Variants in KNL1 observed in about 807,000 individuals in gnomAD.
KNL1 encodes the protein kinetochore scaffold 1.
A neutral mutation model predicts 201.3 loss-of-function variants in KNL1; 66 were observed. The ratio of observed to expected loss-of-function variants is 0.33; its 90% CI spans 0.27 to 0.40. KNL1 has a LOEUF of 0.40. KNL1 is among the 10% of genes least tolerant of loss of function. KNL1 has a pLI of 1.00. For missense variants in KNL1, 2,815 were observed against 2,690.5 expected, an observed-to-expected ratio of 1.05 and a Z score of -1.02; for synonymous variants, 895 against 899.2, an observed-to-expected ratio of 1.00 and a Z score of 0.08.
chr15:40,650,920 G>A (rs750770631), intron 19 of KNL1, among the ~76,000 whole-genome samples: 3 of 152,048 alleles, frequency 2.0e-5, no homozygotes, highest in African/African-American at 4.8e-5. Context: ...GTAAAAGAAA[G>A]TAAATAGAAA....
intron 1 of KNL1, among the ~76,000 whole-genome samples, chr15:40,600,962 T>A (rs1176148969): frequency 6.6e-6 from 1 of 152,242 alleles, no homozygotes; most frequent in Non-Finnish European, 1.5e-5. Flanking sequence ...TGCTGAGTAC[T>A]TATCGTTGAC....
chr15:40,646,439 A>G (rs536742650), intron 16 of KNL1, among the ~76,000 whole-genome samples: 1 of 151,880 alleles, frequency 6.6e-6, no homozygotes, highest in East Asian at 1.9e-4. Flanking sequence ...TTAATAAAAT[A>G]TTTTATTAAA....
intron 16 of KNL1, chr15:40,646,591 C>G (rs994209626): frequency 6.6e-6 from 1 of 152,642 alleles, no homozygotes; most frequent in African/African-American, 2.4e-5. Context: ...GGTGCGGTGG[C>G]TCACGCCTGT....
chr15:40,646,781 C>CT lies in KNL1; in HGVS notation c.6007-206_6007-205insT, dbSNP rs199549891. The CT allele has an allele frequency of 6.6e-3, 2,081 of 313,044 alleles. 45 individuals carry two copies. Among genetic ancestry groups the CT allele is most frequent in the African/African-American group, 0.045 (1,920 of 43,036 alleles). The allele number at this position is 313,044 out of a possible 1,614,324, so 19.4% of individuals were successfully genotyped here. On this transcript the variant is annotated intron_variant, in intron 16 of 25. Transcript: ENST00000399668. ...CTGAGGCAGGAGAATGGCATGAACC[C>CT]GGGAGGCGGAGCTTGCAATGAGCCC... is the stretch of plus-strand genomic sequence containing the variant.
chr15:40,624,922 G>T lies in KNL1; in HGVS notation c.4658G>T (p.Cys1553Phe). 6.2e-7 allele frequency: 1 copy of T among 1,613,348 alleles called. No individual in the cohort carries two copies. Among genetic ancestry groups the T allele is most frequent in the Non-Finnish European group, 8.5e-7 (1 of 1,179,882 alleles). ...CCTGTAATTACATCTAATGTTCCATGTTTTCATAGTATCAAACCAAATCTG... is the reference window on the plus strand; with the variant it reads ...CCTGTAATTACATCTAATGTTCCATTTTTTCATAGTATCAAACCAAATCTG... Reference protein sequence around the residue: ...PDPVITSNVPCFHSIKPNLNN... With the variant: ...PDPVITSNVPFFHSIKPNLNN... The change falls in exon 10 of 26, where the codon TGT (cysteine) becomes TTT (phenylalanine). Residue 1553 changes from cysteine (C) to phenylalanine (F), a missense_variant. Cys to Phe is a radical substitution (Grantham distance 205, BLOSUM62 -2). This residue lies in a region of KNL1 where 2,464 missense variants were observed against 2,291.7 expected (regional missense o/e 1.08). Transcript: ENST00000399668.
intron 13 of KNL1, among the ~76,000 whole-genome samples, chr15:40,640,245 C>T (rs544145504): frequency 1.3e-3 from 195 of 151,532 alleles, no homozygotes; most frequent in African/African-American, 4.6e-3. Context: ...TACAGGTGTG[C>T]GCCACCATGC....
rs1314890959 is a variant in KNL1 at position 40,623,179 on chromosome 15, G to A, written c.2915G>A (p.Arg972Lys). Residue 972 changes from arginine to lysine, a missense_variant, in exon 10 of 26, where the codon AGA becomes AAA. Physicochemically the swap from Arg to Lys is conservative, Grantham distance 26. Around this residue, in one of 3 missense-constraint regions of KNL1, gnomAD observed 2,464 missense variants for 2,291.7 expected, o/e 1.08. Coordinates refer to ENST00000399668, the MANE Select transcript of KNL1 (RefSeq NM_144508.5). ...IDYQEKERTD[R>K]PNFELSQRKS... Reference sequence around the variant, plus strand: ...TACCAAGAAAAGGAAAGAACAGACAGACCTAACTTTGAACTATCCCAAAGG... The same window carrying A: ...TACCAAGAAAAGGAAAGAACAGACAAACCTAACTTTGAACTATCCCAAAGG... 4 of 1,613,832 alleles carry A rather than the reference G, an allele frequency of 2.5e-6. No individual in the cohort carries two copies. The highest frequency in any genetic ancestry group is 3.3e-4 in the Middle Eastern group (2 of 6,082).
chr15:40,652,104 T>C lies in KNL1; in HGVS notation c.6414T>C (p.Val2138=), dbSNP rs868711687. The change falls in exon 21 of 26, where the codon GTT becomes GTC. Residue 2138 remains valine, a splice_region_variant and synonymous_variant. Coordinates refer to ENST00000399668, the MANE Select transcript of KNL1 (RefSeq NM_144508.5). ...IQLTITFEES[V]VGFPFLDKRY... ...TCACCATCACCTTTGAAGAGTCAGT[T>C]GGTAAGGAGCCAAAGTGAGATAATT... 8 of 1,603,186 alleles carry C rather than the reference T, an allele frequency of 5.0e-6. No individual in the cohort carries two copies. In the African/African-American group the frequency reaches 6.7e-5, roughly 13 times the overall value.
intron 1 of KNL1, among the ~76,000 whole-genome samples, chr15:40,595,704 C>T (rs886607658): frequency 1.3e-5 from 2 of 152,172 alleles, no homozygotes; most frequent in East Asian, 1.9e-4. Flanking sequence ...CAACATACTA[C>T]CCATTAGCGA....
intron 13 of KNL1, among the ~76,000 whole-genome samples, chr15:40,633,367 C>G (rs189393744): frequency 1.3e-5 from 2 of 150,184 alleles, no homozygotes; most frequent in African/African-American, 4.9e-5. Context: ...TGCCTAGTGA[C>G]ATTGTAATGT....
Position 40,662,974 on chromosome 15 carries a change from A to G in KNL1, c.*786A>G, listed in dbSNP as rs1205783098. On this transcript the variant is annotated 3_prime_UTR_variant, in exon 26 of 26. Transcript: ENST00000399668. ...GACCCTGTCTCAAAAAAACAAAAAGAGAGAAAGCAATAGCACTCAGCTATT... is the reference window on the plus strand; with the variant it reads ...GACCCTGTCTCAAAAAAACAAAAAGGGAGAAAGCAATAGCACTCAGCTATT... 1.1e-5 allele frequency: 2 copies of G among 183,538 alleles called. No individual in the cohort carries two copies. Among genetic ancestry groups the G allele is most frequent in the African/African-American group, 4.7e-5 (2 of 42,502 alleles). 11.4% of individuals were successfully genotyped at this position (183,538 alleles called of 1,614,324 possible). A position where few individuals can be genotyped will look rare whatever the true frequency, so the allele number is the denominator to read the frequency against.
intron 4 of KNL1, among the ~76,000 whole-genome samples, chr15:40,608,059 A>G (rs1233543340): frequency 6.6e-6 from 1 of 152,202 alleles, no homozygotes; most frequent in Non-Finnish European, 1.5e-5. Flanking sequence ...GTGTCCATTG[A>G]TGGATGAATG....
intron 6 of KNL1, among the ~76,000 whole-genome samples, chr15:40,610,594 G>A (rs1320673111): frequency 6.6e-6 from 1 of 152,124 alleles, no homozygotes; most frequent in African/African-American, 2.4e-5. Flanking sequence ...CTACTCAGGA[G>A]GCTGAGGTGA....
rs1157127391 is a variant in KNL1 at position 40,664,324 on chromosome 15, A to G, written c.*2136A>G. 1.7e-5 allele frequency: 3 copies of G among 171,440 alleles called. No individual in the cohort carries two copies. The highest frequency in any genetic ancestry group is 7.1e-5 in the African/African-American group (3 of 42,214). 10.6% of individuals were successfully genotyped at this position (171,440 alleles called of 1,614,324 possible). On this transcript the variant is annotated 3_prime_UTR_variant, in exon 26 of 26. Transcript: ENST00000399668. ...GCAGATTACATTTTGCACTATTAAA[A>G]TAAGTTTATTACTTTAAATCTTTTG...
chr15:40,621,755 A>T lies in KNL1; in HGVS notation c.1491A>T (p.Gln497His). ...TKSHTVAIDN[Q>H]IFKQDQSNVQ... Reference sequence around the variant, plus strand: ...GTCATACAGTTGCAATAGATAATCAAATTTTTAAACAAGATCAATCAAATG... The same window carrying T: ...GTCATACAGTTGCAATAGATAATCATATTTTTAAACAAGATCAATCAAATG... Residue 497 changes from glutamine to histidine, a missense_variant, in exon 10 of 26, where the codon CAA becomes CAT. By Grantham distance (24) the Gln-to-His change is conservative. Around this residue, in one of 3 missense-constraint regions of KNL1, gnomAD observed 2,464 missense variants for 2,291.7 expected, o/e 1.08. Coordinates refer to ENST00000399668, the MANE Select transcript of KNL1 (RefSeq NM_144508.5). The T allele has an allele frequency of 6.2e-7, 1 of 1,613,912 alleles. No individual in the cohort carries two copies. Among genetic ancestry groups the T allele is most frequent in the Non-Finnish European group, 8.5e-7 (1 of 1,179,852 alleles).
At chr15:40,596,269 T>G (rs1891616145) in intron 1 of KNL1, among the ~76,000 whole-genome samples, 1 of 152,074 alleles carries the variant, frequency 6.6e-6, no homozygotes, top group African/African-American at 2.4e-5. Context: ...ATTTTAAATT[T>G]TATTTATTTA....
chr15:40,656,375 G>A (rs1595949692), intron 22 of KNL1, among the ~76,000 whole-genome samples: 2 of 152,076 alleles, frequency 1.3e-5, no homozygotes, highest in Admixed American at 6.6e-5. Flanking sequence ...GGAGGTTGCA[G>A]TGAGCTGAGA....
Position 40,624,632 on chromosome 15 carries a change from A to T in KNL1, c.4368A>T (p.Gly1456=), listed in dbSNP as rs1892675988. The T allele has an allele frequency of 1.2e-6, 2 of 1,613,856 alleles. No individual in the cohort carries two copies. The highest frequency in any genetic ancestry group is 2.7e-5 in the African/African-American group (2 of 74,928). The change falls in exon 10 of 26, where the codon GGA becomes GGT. Residue 1456 remains glycine (G), a synonymous_variant. Coordinates refer to ENST00000399668, the MANE Select transcript of KNL1 (RefSeq NM_144508.5). The stretch of plus-strand genomic sequence containing the variant: ...ACCAACCTCCATTACCTAAAAAAGG[A>T]CAGAGTAGTATCAATAAAGAAGAAG... ...STDQPPLPKK[G]QSSINKEEVI...
At position 40,608,303 on chromosome 15, in the gene KNL1, A is replaced by G. The variant is rs189262263; in HGVS notation, c.136-544A>G. ...AGCCTAGTCAACATGGTGAAACCCC[A>G]TCTCTACTAAAAATACAAAAAATTA... On this transcript the variant is annotated intron_variant, in intron 4 of 25. Coordinates refer to ENST00000399668, the MANE Select transcript of KNL1 (RefSeq NM_144508.5). Among the ~76,000 whole-genome samples, 6 of 152,054 alleles carry G rather than the reference A, an allele frequency of 3.9e-5. No homozygotes were observed. In the East Asian group the frequency reaches 1.2e-3, roughly 29 times the overall value.
Sources: gnomAD v4.1 joint callset for allele counts (sites outside exome capture counted in the v4.1 genomes callset) on GRCh38, gnomAD v4.1.1 for gene constraint, gnomAD v4.1.1 regional missense constraint, MANE v1.5 for transcripts, NCBI Gene and HGNC (gene_info 2026-07-23, HGNC 2026-07-21) for gene names.